The following RRM1 variants were observed in gnomAD, a reference collection of about 807,000 sequenced individuals.
RRM1 encodes the protein ribonucleoside-diphosphate reductase large subunit.
RRM1 carries 19 observed loss-of-function variants against 101.5 expected under a neutral mutation model. That is an observed-to-expected ratio of 0.19 (90% CI 0.13 to 0.27). The LOEUF (loss-of-function observed/expected upper bound fraction) is 0.27. Ranked by LOEUF, RRM1 falls within the 10% of genes least tolerant of loss-of-function variation. RRM1 has a pLI of 1.00. For missense variants in RRM1, 500 were observed against 962.9 expected, an observed-to-expected ratio of 0.52 and a Z score of 6.36; for synonymous variants, 298 against 323.4, an observed-to-expected ratio of 0.92 and a Z score of 0.84.
intron 7 of RRM1, among the ~76,000 whole-genome samples, chr11:4,114,368 A>G (rs929277982): frequency 4.6e-5 from 7 of 151,876 alleles, no homozygotes; most frequent in African/African-American, 1.7e-4. Context: ...CAGGGCCAAC[A>G]TGGTGAAACC....
At position 4,122,354 on chromosome 11, in the gene RRM1, C is replaced by T. The variant is rs559835555; in HGVS notation, c.1118+134C>T. On this transcript the variant is annotated intron_variant, in intron 11 of 18. Transcript: ENST00000300738. Reference sequence around the variant, plus strand: ...AGAAAAAGTGACTAATAATTTTGGTCAGATTTGCTTCCTGACTCTTCACCA... The same window carrying T: ...AGAAAAAGTGACTAATAATTTTGGTTAGATTTGCTTCCTGACTCTTCACCA... 6.4e-6 allele frequency: 4 copies of T among 621,994 alleles called. No homozygotes were observed. In the East Asian group the frequency reaches 1.2e-4, roughly 18 times the overall value. 38.5% of individuals were successfully genotyped at this position (621,994 alleles called of 1,614,324 possible).
intron 1 of RRM1, among the ~76,000 whole-genome samples, chr11:4,098,646 C>T (rs1045479616): frequency 6.6e-6 from 1 of 152,154 alleles, no homozygotes; most frequent in African/African-American, 2.4e-5. Flanking sequence ...GCCATTCATT[C>T]AGTTATTCAT....
At chr11:4,121,892 G>C in intron 10 of RRM1, 127 bp downstream of exon 10, 2 of 869,058 alleles carry the variant, frequency 2.3e-6, no homozygotes, top group Non-Finnish European at 1.8e-6. Flanking sequence ...TTCTGAACAA[G>C]TTAAGAGATG....
intron 2 of RRM1, among the ~76,000 whole-genome samples, chr11:4,103,102 C>G (rs764647125): frequency 6.6e-6 from 1 of 152,184 alleles, no homozygotes; most frequent in Admixed American, 6.5e-5. Flanking sequence ...AACCTGTGCT[C>G]ATCTCATAGC....
In RRM1 at chr11:4,138,473, G is replaced by A; in HGVS notation, c.*90G>A. On this transcript the variant is annotated 3_prime_UTR_variant, in exon 19 of 19. Coordinates refer to ENST00000300738, the MANE Select transcript of RRM1 (RefSeq NM_001033.5). ...ATAGTGGGTTTGCTTGAGGTGGTAA[G>A]GCTTTGCTGGACCCTGTTGCAGGCA... The A allele has an allele frequency of 1.1e-6, 1 of 922,548 alleles. No homozygotes were observed. The highest frequency in any genetic ancestry group is 1.5e-6 in the Non-Finnish European group (1 of 666,996). The allele number at this position is 922,548 out of a possible 1,614,324, so 57.1% of individuals were successfully genotyped here. A position where few individuals can be genotyped will look rare whatever the true frequency, so the allele number is the denominator to read the frequency against.
intron 1 of RRM1, among the ~76,000 whole-genome samples, chr11:4,101,021 A>C (rs2094550198): frequency 6.6e-6 from 1 of 152,216 alleles, no homozygotes; most frequent in Non-Finnish European, 1.5e-5. Context: ...GTCCAAAATC[A>C]TGAAAAATAT....
At position 4,132,556 on chromosome 11, in the gene RRM1, C is replaced by T. The variant is rs1733340877; in HGVS notation, c.1905+135C>T. ...TTGATAAAGACAGTCATCTTCATCT[C>T]TAATATTATTATTTGTTATTAATAT... On this transcript the variant is annotated intron_variant, in intron 16 of 18. Transcript: ENST00000300738. This position sits in a 1 kb window ranked among gnomAD's most constrained non-coding sequence, Gnocchi z 4.1. 2.7e-6 allele frequency: 2 copies of T among 750,190 alleles called. No homozygotes were observed. Among genetic ancestry groups the T allele is most frequent in the Middle Eastern group, 2.5e-4 (1 of 3,994 alleles). 46.5% of individuals were successfully genotyped at this position (750,190 alleles called of 1,614,324 possible).
At chr11:4,110,892 T>A (rs932822896) in intron 5 of RRM1, among the ~76,000 whole-genome samples, 3 of 151,090 alleles carry the variant, frequency 2.0e-5, no homozygotes, top group African/African-American at 4.9e-5. Flanking sequence ...CCATGAGGAG[T>A]CTTCAGGGGA....
At chr11:4,126,495 T>A (rs2094589769) in intron 12 of RRM1, among the ~76,000 whole-genome samples, 189 bp from the exon 13 acceptor site, 1 of 152,236 alleles carries the variant, frequency 6.6e-6, no homozygotes, top group African/African-American at 2.4e-5. Context: ...CTAACACATA[T>A]GACTAGGTAT....
intron 12 of RRM1, among the ~76,000 whole-genome samples, chr11:4,126,028 G>A (rs1207665873): frequency 6.6e-6 from 1 of 152,250 alleles, no homozygotes; most frequent in Non-Finnish European, 1.5e-5. Flanking sequence ...TGTGCCAGAT[G>A]TGTTGCTAGT....
chr11:4,106,747 CATAAATAA>C (rs528821128), intron 3 of RRM1, among the ~76,000 whole-genome samples: 18 of 151,614 alleles, frequency 1.2e-4, no homozygotes, highest in African/African-American at 3.4e-4. Context: ...GACTCCGTCT[CATAAATAA>C]ATAAATAAAT....
At chr11:4,109,462 A>G (rs1393435391) in intron 4 of RRM1, among the ~76,000 whole-genome samples, 182 bp from the exon 5 acceptor site, 1 of 151,996 alleles carries the variant, frequency 6.6e-6, no homozygotes, top group African/African-American at 2.4e-5. Flanking sequence ...CTTAATTTAT[A>G]TGTATTGTTT....
intron 1 of RRM1, among the ~76,000 whole-genome samples, chr11:4,096,117 C>T (rs1178461359): frequency 6.6e-6 from 1 of 152,130 alleles, no homozygotes; most frequent in African/African-American, 2.4e-5. Context: ...CCTTGAAGTC[C>T]TGGGCTCAAG....
intron 15 of RRM1, among the ~76,000 whole-genome samples, chr11:4,130,311 T>G (rs575376533): frequency 3.8e-4 from 58 of 151,912 alleles, no homozygotes; most frequent in Non-Finnish European, 6.8e-4. Flanking sequence ...GAGATAAGAC[T>G]TGTTAATGGT....
intron 18 of RRM1, among the ~76,000 whole-genome samples, chr11:4,135,850 G>A (rs2094608736): frequency 6.6e-6 from 1 of 150,878 alleles, no homozygotes; most frequent in South Asian, 2.1e-4. Context: ...TTATAAATTT[G>A]TTTTTTAATT....
At chr11:4,095,621 C>T (rs930813931) in intron 1 of RRM1, among the ~76,000 whole-genome samples, 6 of 152,322 alleles carry the variant, frequency 3.9e-5, no homozygotes, top group Non-Finnish European at 8.8e-5. Context: ...ACAGACAGCA[C>T]CCTCGAGTTC....
At chr11:4,096,700 G>T (rs1165234551) in intron 1 of RRM1, among the ~76,000 whole-genome samples, 1 of 151,554 alleles carries the variant, frequency 6.6e-6, no homozygotes, top group Admixed American at 6.6e-5. Flanking sequence ...AAGGAGTCTC[G>T]CTATGTTGCC....
chr11:4,128,802 G>T (rs530676898), intron 14 of RRM1, among the ~76,000 whole-genome samples: 1 of 152,292 alleles, frequency 6.6e-6, no homozygotes, highest in South Asian at 2.1e-4. Flanking sequence ...AAAAGAGAAT[G>T]TGTCAGCCAC....
intron 8 of RRM1, 121 bp from the exon 9 acceptor site, chr11:4,119,724 G>A: frequency 1.4e-6 from 1 of 700,800 alleles, no homozygotes. Flanking sequence ...ATGGAGAGCA[G>A]GTAAAACTTC....
Sources: allele counts gnomAD v4.1 joint callset (sites outside exome capture counted in the v4.1 genomes callset), GRCh38; gene constraint gnomAD v4.1.1; non-coding constraint Gnocchi (gnomAD v3.1); transcripts MANE v1.5; gene names NCBI Gene and HGNC (gene_info 2026-07-23, HGNC 2026-07-21).